The following HPCAL4 variants were observed in gnomAD, a reference collection of about 807,000 sequenced individuals.
HPCAL4 encodes the protein hippocalcin like 4.
Under a neutral mutation model 18.2 loss-of-function variants are expected in HPCAL4, and 16 were observed. The ratio of observed to expected loss-of-function variants is 0.88; its 90% CI spans 0.59 to 1.33. The LOEUF is 1.33. Ranked by LOEUF, HPCAL4 falls within the 40% of genes most tolerant of loss-of-function variation. The probability of loss-of-function intolerance (pLI) is 0.00; values close to 1 mark genes in which losing one functional copy is unlikely to be tolerated. For synonymous variants in HPCAL4, 80 were observed against 97.5 expected, an observed-to-expected ratio of 0.82 and a Z score of 1.06; for missense variants, 214 against 256.6, an observed-to-expected ratio of 0.83 and a Z score of 1.14.
intron 3 of HPCAL4, 68 bp downstream of exon 3, chr1:39,683,864 AGCAGC>A: frequency 7.3e-7 from 1 of 1,372,282 alleles, no homozygotes; most frequent in Non-Finnish European, 1.0e-6. Context: ...GAAGCCCGAG[AGCAGC>A]GCGGAGGCAG....
intron 1 of HPCAL4, among the ~76,000 whole-genome samples, chr1:39,690,166 T>C (rs927810579): frequency 3.9e-5 from 6 of 152,178 alleles, no homozygotes; most frequent in South Asian, 2.1e-4. Context: ...CTCTCTTTAA[T>C]GTCCTCTTGG....
chr1:39,685,650 T>A (rs541601653), intron 1 of HPCAL4, among the ~76,000 whole-genome samples: 1 of 149,928 alleles, frequency 6.7e-6, no homozygotes, highest in Non-Finnish European at 1.5e-5. Flanking sequence ...GAGGCCAAGG[T>A]GGGTGGATCA....
At chr1:39,690,432 C>T (rs1317410009) in intron 1 of HPCAL4, among the ~76,000 whole-genome samples, 1 of 152,160 alleles carries the variant, frequency 6.6e-6, no homozygotes, top group Admixed American at 6.5e-5. Context: ...TGGCAAGGTC[C>T]CCACGGAGCA....
At chr1:39,683,434 G>C in intron 3 of HPCAL4, among the ~76,000 whole-genome samples, 1 of 152,136 alleles carries the variant, frequency 6.6e-6, no homozygotes, top group East Asian at 1.9e-4. Context: ...TGCAGTAAAG[G>C]CCTCACCCCA....
intron 1 of HPCAL4, among the ~76,000 whole-genome samples, chr1:39,690,532 AG>A (rs1261051582): frequency 3.3e-5 from 5 of 152,102 alleles, no homozygotes; most frequent in East Asian, 3.9e-4. Context: ...CCTGGCTGTG[AG>A]GGGGGAGGGA....
rs140175601 is a variant in HPCAL4, at chr1:39,691,295, A to T, written c.-9+11T>A. 4.8e-4 allele frequency: 73 copies of T among 152,256 alleles called. No individual in the cohort carries two copies. The highest frequency in any genetic ancestry group is 1.6e-3 in the African/African-American group (68 of 41,514). 9.4% of individuals were successfully genotyped at this position (152,256 alleles called of 1,614,324 possible). A position where few individuals can be genotyped will look rare whatever the true frequency, so the allele number is the denominator to read the frequency against. ...TTTGTTGCCTTGAGGACCCGGTCCC[A>T]CTCGCATTACCTGAGGCCGGTCGCC... is the stretch of plus-strand genomic sequence containing the variant. On this transcript the variant is annotated intron_variant, in intron 1 of 3. Coordinates refer to ENST00000372844, the MANE Select transcript of HPCAL4 (RefSeq NM_016257.4).
chr1:39,684,958 G>T (rs575875973), intron 1 of HPCAL4, among the ~76,000 whole-genome samples: 2 of 152,302 alleles, frequency 1.3e-5, no homozygotes, highest in Admixed American at 1.3e-4. Context: ...TCTGAAGTCA[G>T]CCCCCACCCT....
intron 1 of HPCAL4, among the ~76,000 whole-genome samples, chr1:39,689,855 A>G (rs1646704328): frequency 7.4e-6 from 1 of 134,934 alleles, no homozygotes; most frequent in African/African-American, 2.8e-5. Flanking sequence ...CCTGGTCAGG[A>G]GATTTTTTCT....
chr1:39,687,501 T>A (rs1240318489), intron 1 of HPCAL4, among the ~76,000 whole-genome samples: 1 of 152,204 alleles, frequency 6.6e-6, no homozygotes, highest in Non-Finnish European at 1.5e-5. Context: ...TCTGTCAGAG[T>A]GCACACGTCT....
At position 39,683,930 on chromosome 1, in the gene HPCAL4, C is replaced by T. The variant is rs1410690033; in HGVS notation, c.378+7G>A. Reference sequence around the variant, plus strand: ...TCGGGAACAGCAGCGCCCGCGCGGCCCCGCACCTCGATGATCTCCAGCATC... The same window carrying T: ...TCGGGAACAGCAGCGCCCGCGCGGCTCCGCACCTCGATGATCTCCAGCATC... On this transcript the variant is annotated splice_region_variant and intron_variant, in intron 3 of 3. Transcript: ENST00000372844. The T allele has an allele frequency of 9.3e-6, 15 of 1,611,976 alleles. No individual in the cohort carries two copies. The South Asian group carries it at 9.9e-5, about 11-fold the overall frequency.
rs1646628556 is a variant in HPCAL4 at position 39,681,784 on chromosome 1, T to A, written c.*752A>T. 1 of 152,290 alleles carries A rather than the reference T, an allele frequency of 6.6e-6. No individual in the cohort carries two copies. The allele number at this position is 152,290 out of a possible 1,614,324, so 9.4% of individuals were successfully genotyped here. On this transcript the variant is annotated 3_prime_UTR_variant, in exon 4 of 4. Coordinates refer to ENST00000372844, the MANE Select transcript of HPCAL4 (RefSeq NM_016257.4). ...ACATAAATTTCATTTTTCTTAAAAC[T>A]TTCACTCACGTGGCTCCTAAACTTC...
intron 1 of HPCAL4, among the ~76,000 whole-genome samples, chr1:39,685,691 A>G (rs1374582859): frequency 2.6e-5 from 4 of 152,144 alleles, no homozygotes; most frequent in South Asian, 4.2e-4. Context: ...CATCCTGGCT[A>G]ACACGGTGAA....
rs1646599255 is a variant in HPCAL4, at chr1:39,679,133, T to C, written c.*3403A>G. On this transcript the variant is annotated 3_prime_UTR_variant, in exon 4 of 4. Transcript: ENST00000372844. ...GGAAATATTTGTTGCTTCAATACAT[T>C]TTTGTGTAAAAAATATTTAGTGTCA... 6.6e-6 allele frequency: 1 copy of C among 152,202 alleles called. No homozygotes were observed. The highest frequency in any genetic ancestry group is 2.4e-5 in the African/African-American group (1 of 41,454). 9.4% of individuals were successfully genotyped at this position (152,202 alleles called of 1,614,324 possible). A position where few individuals can be genotyped will look rare whatever the true frequency, so the allele number is the denominator to read the frequency against.
chr1:39,690,098 G>GTT lies in HPCAL4; in HGVS notation c.-9+1206_-9+1207dup, dbSNP rs1395998016. Among the ~76,000 whole-genome samples the GTT allele has an allele frequency of 3.7e-4, 57 of 152,266 alleles. 2 individuals carry two copies. The highest frequency in any genetic ancestry group is 1.3e-4 in the Non-Finnish European group (9 of 68,026). On this transcript the variant is annotated intron_variant, in intron 1 of 3. Transcript: ENST00000372844. ...GAGGAGGTAGCCTGTACCTAGGCTG[G>GTT]TTAAGAAGGAATGTGTCTTCAGTGA...
chr1:39,683,274 C>T (rs915223878), intron 3 of HPCAL4, among the ~76,000 whole-genome samples: 2 of 152,168 alleles, frequency 1.3e-5, no homozygotes, highest in Non-Finnish European at 2.9e-5. Flanking sequence ...TGATGGGGCT[C>T]CTGGCTCCCC....
chr1:39,678,929 A>C lies in HPCAL4; in HGVS notation c.*3607T>G, dbSNP rs1646597208. The C allele has an allele frequency of 6.6e-6, 1 of 152,246 alleles. No individual in the cohort carries two copies. The highest frequency in any genetic ancestry group is 2.4e-5 in the African/African-American group (1 of 41,462). 9.4% of individuals were successfully genotyped at this position (152,246 alleles called of 1,614,324 possible). A position where few individuals can be genotyped will look rare whatever the true frequency, so the allele number is the denominator to read the frequency against. ...CCCAGTCCTGCCCCCACACTCTGGC[A>C]AAGGTAAAAAGAAAACCTCGAAAAT... On this transcript the variant is annotated 3_prime_UTR_variant, in exon 4 of 4. Transcript: ENST00000372844.
In HPCAL4 at chr1:39,682,474, G is replaced by T; in HGVS notation, c.*62C>A. The T allele has an allele frequency of 2.0e-6, 3 of 1,533,078 alleles. No individual in the cohort carries two copies. Among genetic ancestry groups the T allele is most frequent in the Non-Finnish European group, 9.0e-7 (1 of 1,110,026 alleles). The allele number at this position is 1,533,078 out of a possible 1,614,324, so 95.0% of individuals were successfully genotyped here. Reference sequence around the variant, plus strand: ...CTCCTCCTGGGAGGCCAGCCAGAGAGGTCATCAGGTTGGGAGGTGGCCATG... The same window carrying T: ...CTCCTCCTGGGAGGCCAGCCAGAGATGTCATCAGGTTGGGAGGTGGCCATG... On this transcript the variant is annotated 3_prime_UTR_variant, in exon 4 of 4. Transcript: ENST00000372844.
At position 39,682,128 on chromosome 1, in the gene HPCAL4, C is replaced by G; in HGVS notation, c.*408G>C. ...GAGACCCCCTTTATGGGATCTGGAGCCTCAGGAATGGACAGACCCAATTTG... is the reference window on the plus strand; with the variant it reads ...GAGACCCCCTTTATGGGATCTGGAGGCTCAGGAATGGACAGACCCAATTTG... On this transcript the variant is annotated 3_prime_UTR_variant, in exon 4 of 4. Transcript: ENST00000372844. 1 of 208,504 alleles carries G rather than the reference C, an allele frequency of 4.8e-6. No homozygotes were observed. Among genetic ancestry groups the G allele is most frequent in the Non-Finnish European group, 9.7e-6 (1 of 102,760 alleles). 12.9% of individuals were successfully genotyped at this position (208,504 alleles called of 1,614,324 possible). A position where few individuals can be genotyped will look rare whatever the true frequency, so the allele number is the denominator to read the frequency against.
At chr1:39,689,201 G>T (rs989682051) in intron 1 of HPCAL4, among the ~76,000 whole-genome samples, 4 of 152,144 alleles carry the variant, frequency 2.6e-5, no homozygotes, top group Admixed American at 1.3e-4. Context: ...TTCTCCCAGT[G>T]AGTGCTTAGT....
Sources: gnomAD v4.1 joint callset for allele counts (sites outside exome capture counted in the v4.1 genomes callset) on GRCh38, gnomAD v4.1.1 for gene constraint, MANE v1.5 for transcripts, NCBI Gene and HGNC (gene_info 2026-07-23, HGNC 2026-07-21) for gene names.